GLB1L: variants seen among roughly 807,000 people sequenced by gnomAD.
GLB1L encodes galactosidase beta 1 like.
In GLB1L, 58 loss-of-function variants were observed where a neutral mutation model predicts 75.7. The observed-to-expected ratio is 0.77, with a 90% CI of 0.62 to 0.95. GLB1L has a LOEUF of 0.95. Ranked by LOEUF, GLB1L falls within the 40% of genes least tolerant of loss-of-function variation. The pLI is 0.00. For missense variants in GLB1L, 797 were observed against 805.5 expected (o/e 0.99, Z 0.13); for synonymous variants, 296 against 303.0 (o/e 0.98, Z 0.24).
rs1477758909 is a variant in GLB1L at position 219,237,325 on chromosome 2, AAC to A, written c.1710_1711del (p.Phe571Ter). ...CTTTGTCCAGTACCGGCCCAAGTTA[AAC>A]CCATTGATCCAGACTTGGCCCTGGG... On this transcript the variant is annotated frameshift_variant, in exon 17 of 17. Transcript: ENST00000295759. LOFTEE classifies it high-confidence loss of function. 6.2e-7 allele frequency: 1 copy of A among 1,613,906 alleles called. No individual in the cohort carries two copies. The highest frequency in any genetic ancestry group is 1.1e-5 in the South Asian group (1 of 91,074).
At position 219,242,483 on chromosome 2, in the gene GLB1L, C is replaced by T. The variant is rs535244317; in HGVS notation, c.451+31G>A. On this transcript the variant is annotated intron_variant, in intron 5 of 16. Coordinates refer to ENST00000295759, the MANE Select transcript of GLB1L (RefSeq NM_001286423.2). ...CCAAATAGCCCATTTTACTTACTTG[C>T]TTCTGTGTTAAATCCTTTGTCTCAA... 234 of 1,561,164 alleles carry T rather than the reference C, an allele frequency of 1.5e-4. 3 individuals carry two copies. In the South Asian group the frequency reaches 2.4e-3, roughly 16 times the overall value.
At chr2:219,243,396 GA>G in intron 2 of GLB1L, 82 bp from the exon 3 acceptor site, 1 of 1,592,088 alleles carries the variant, frequency 6.3e-7, no homozygotes, top group Non-Finnish European at 8.6e-7. Flanking sequence ...GGAAGAGATG[GA>G]ACTAGCCCTG....
At chr2:219,241,174 A>T (rs1459535120) in intron 5 of GLB1L, among the ~76,000 whole-genome samples, 2 of 151,824 alleles carry the variant, frequency 1.3e-5, no homozygotes, top group African/African-American at 4.8e-5. Context: ...AGGTCAGGAG[A>T]TCGAGACCAT....
Position 219,239,172 on chromosome 2 carries a change from T to G in GLB1L, c.982A>C (p.Ser328Arg). 6.2e-7 allele frequency: 1 copy of G among 1,614,038 alleles called. No homozygotes were observed. Among genetic ancestry groups the G allele is most frequent in the Admixed American group, 1.7e-5 (1 of 59,954 alleles). The change falls in exon 11 of 17, where the codon AGC becomes CGC. Residue 328 changes from serine (S) to arginine (R), a missense_variant. Transcript: ENST00000295759. The part of the protein sequence containing the change: ...KKGRFLPITT[S>R]YDYDAPISEA... ...GATATAGGTGCATCATAGTCATAGC[T>G]GGTAGTAATCGGAAGGAAGCGTCCC...
Position 219,242,832 on chromosome 2 carries a change from GC to G in GLB1L, c.325del (p.Ala109GlnfsTer3). ...SRDLIAFLNE[A>X]ALANLLVILR... The stretch of plus-strand genomic sequence containing the variant: ...TATGACCAACAGGTTCGCTAGAGCT[GC>G]CTCATTCAGAAAGGCAATGAGGTCC... On this transcript the variant is annotated frameshift_variant, in exon 4 of 17. Coordinates refer to ENST00000295759, the MANE Select transcript of GLB1L (RefSeq NM_001286423.2). LOFTEE classifies it high-confidence loss of function. The G allele has an allele frequency of 6.2e-7, 1 of 1,614,158 alleles. No homozygotes were observed. Among genetic ancestry groups the G allele is most frequent in the Non-Finnish European group, 8.5e-7 (1 of 1,179,986 alleles).
In GLB1L at chr2:219,237,554, G is replaced by C. The variant is rs201866761; in HGVS notation, c.1647C>G (p.Gly549=). The change falls in exon 16 of 17, where the codon GGC becomes GGG. Residue 549 remains glycine (G), a synonymous_variant. Transcript: ENST00000295759. ...TFYSKTFPIL[G]SVGDTFLYLP... ...GATATAGAAATGTGTCCCCAACTGA[G>C]CCTAAAATTGGAAATGTTTTGGAGT... 3.3e-5 allele frequency: 53 copies of C among 1,614,164 alleles called. 1 individual carries two copies. The East Asian group carries it at 1.1e-3, about 33-fold the overall frequency.
Position 219,239,692 on chromosome 2 carries a change from G to A in GLB1L, c.781-10C>T. 6.2e-7 allele frequency: 1 copy of A among 1,614,160 alleles called. No homozygotes were observed. Among genetic ancestry groups the A allele is most frequent in the East Asian group, 2.2e-5 (1 of 44,884 alleles). ...AGTACTCAGAGTTTACCTAGAGTGT[G>A]AAATGAAAGGAGTGTGAGTGAGATG... On this transcript the variant is annotated splice_polypyrimidine_tract_variant and intron_variant, in intron 8 of 16. Transcript: ENST00000295759.
chr2:219,238,331 C>T lies in GLB1L; in HGVS notation c.1260G>A (p.Met420Ile). The change falls in exon 14 of 17, where the codon ATG becomes ATA. Residue 420 changes from methionine (M) to isoleucine (I), a missense_variant. Physicochemically the swap from Met to Ile is conservative, Grantham distance 10. Transcript: ENST00000295759. Reference sequence around the variant, plus strand: ...GTGTTGGCTCAAAAATGGTATGGGTCATATAGGTTCGGTACAACATGAAGC... The same window carrying T: ...GTGTTGGCTCAAAAATGGTATGGGTTATATAGGTTCGGTACAACATGAAGC... ...DHGFMLYRTYMTHTIFEPTPF... is the reference protein window; with the variant it reads ...DHGFMLYRTYITHTIFEPTPF... 1 of 1,612,058 alleles carries T rather than the reference C, an allele frequency of 6.2e-7. No individual in the cohort carries two copies. The highest frequency in any genetic ancestry group is 8.5e-7 in the Non-Finnish European group (1 of 1,178,956).
intron 5 of GLB1L, among the ~76,000 whole-genome samples, chr2:219,241,102 C>T (rs776391847): frequency 1.3e-4 from 20 of 150,020 alleles, no homozygotes; most frequent in South Asian, 1.1e-3. Flanking sequence ...ACAATTATGC[C>T]GGGTGCGGCG....
Position 219,238,362 on chromosome 2 carries a change from T to G in GLB1L, c.1229A>C (p.Asp410Ala). The G allele has an allele frequency of 6.2e-7, 1 of 1,600,702 alleles. No homozygotes were observed. The highest frequency in any genetic ancestry group is 8.5e-7 in the Non-Finnish European group (1 of 1,171,978). ...LPMTFEAVKQ[D>A]HGFMLYRTYM... ...GGTTCGGTACAACATGAAGCCATGG[T>G]CCTGGGTATGGAAGAATGAGTACTT... Residue 410 changes from aspartate to alanine, a missense_variant and splice_region_variant, in exon 14 of 17, where the codon GAC becomes GCC. By Grantham distance (126) the Asp-to-Ala change is moderately radical. Coordinates refer to ENST00000295759, the MANE Select transcript of GLB1L (RefSeq NM_001286423.2).
Position 219,239,784 on chromosome 2 carries a change from A to G in GLB1L, c.771T>C (p.His257=). Residue 257 remains histidine (H), a synonymous_variant, in exon 8 of 17, where the codon CAT becomes CAC. Coordinates refer to ENST00000295759, the MANE Select transcript of GLB1L (RefSeq NM_001286423.2). ...CTCTCTGGCCCCTCACCAATGGCCC[A>G]TGGGGTTCATACTTCCGAAGCAGGG... ...IFTLLRKYEP[H]GPLVNSEYYT... 6.2e-7 allele frequency: 1 copy of G among 1,614,198 alleles called. No homozygotes were observed. The highest frequency in any genetic ancestry group is 2.2e-5 in the East Asian group (1 of 44,890).
In GLB1L at chr2:219,242,862, C is replaced by T. The variant is rs1951424991; in HGVS notation, c.296G>A (p.Ser99Asn). The T allele has an allele frequency of 1.2e-6, 2 of 1,614,202 alleles. No individual in the cohort carries two copies. Among genetic ancestry groups the T allele is most frequent in the East Asian group, 2.2e-5 (1 of 44,882 alleles). Residue 99 changes from serine to asparagine, a missense_variant, in exon 4 of 17, where the codon AGC becomes AAC. Ser to Asn is a conservative substitution (Grantham distance 46, BLOSUM62 1). Transcript: ENST00000295759. ...ATTCAGAAAGGCAATGAGGTCCCGG[C>T]TGCCATTAAAGTTATAGACCCCAGG... The part of the protein sequence containing the change: ...PQPGVYNFNG[S>N]RDLIAFLNEA...
At position 219,239,815 on chromosome 2, in the gene GLB1L, A is replaced by AT; in HGVS notation, c.739dup (p.Ile247AsnfsTer9). On this transcript the variant is annotated frameshift_variant, in exon 8 of 17. Coordinates refer to ENST00000295759, the MANE Select transcript of GLB1L (RefSeq NM_001286423.2). LOFTEE classifies it high-confidence loss of function. ...TTCATACTTCCGAAGCAGGGTAAAG[A>AT]TTTTGGTCATGTTGTCAGCTGCGGA... 2 of 1,614,186 alleles carry AT rather than the reference A, an allele frequency of 1.2e-6. No individual in the cohort carries two copies. Among genetic ancestry groups the AT allele is most frequent in the Non-Finnish European group, 1.7e-6 (2 of 1,180,042 alleles).
intron 4 of GLB1L, 82 bp downstream of exon 4, chr2:219,242,686 T>C: frequency 6.5e-7 from 1 of 1,542,904 alleles, no homozygotes; most frequent in Non-Finnish European, 9.0e-7. Context: ...GTGCTGGAGA[T>C]GGCCCTAGAG....
chr2:219,237,685 G>C lies in GLB1L; in HGVS notation c.1516C>G (p.Gln506Glu). 1 of 1,614,218 alleles carries C rather than the reference G, an allele frequency of 6.2e-7. No individual in the cohort carries two copies. The highest frequency in any genetic ancestry group is 8.5e-7 in the Non-Finnish European group (1 of 1,180,036). ...ATTTTCAGAGGGAACATCATCCACT[G>C]GGTAAGGATTGTTTGCCCCAGAATT... ...PPILGQTILT[Q>E]WMMFPLKIDN... Residue 506 changes from glutamine to glutamate, a missense_variant, in exon 16 of 17, where the codon CAG becomes GAG. By Grantham distance (29) the Gln-to-Glu change is conservative. Coordinates refer to ENST00000295759, the MANE Select transcript of GLB1L (RefSeq NM_001286423.2).
In GLB1L at chr2:219,243,659, G is replaced by T; in HGVS notation, c.-70-16C>A. The stretch of plus-strand genomic sequence containing the variant: ...GGGAGGGAACCTCAGCGAGCAAGGG[G>T]GCGGAAACCACCTCAAGTTGCCAGG... On this transcript the variant is annotated splice_polypyrimidine_tract_variant and intron_variant, in intron 1 of 16. Transcript: ENST00000295759. The T allele has an allele frequency of 7.2e-7, 1 of 1,381,324 alleles. No individual in the cohort carries two copies. The highest frequency in any genetic ancestry group is 1.2e-5 in the South Asian group (1 of 85,012). 85.6% of individuals were successfully genotyped at this position (1,381,324 alleles called of 1,614,324 possible).
At position 219,237,177 on chromosome 2, in the gene GLB1L, A is replaced by T. The variant is rs777658245; in HGVS notation, c.1860T>A (p.Asp620Glu). The change falls in exon 17 of 17, where the codon GAT becomes GAA. Residue 620 changes from aspartate to glutamate, a missense_variant. Asp to Glu is a conservative substitution (Grantham distance 45, BLOSUM62 2). Transcript: ENST00000295759. ...TACTAGTGCTATTGAGGATAGGCTT[A>T]TCCAAAAATTGGACTTGGGGCTGGA... is the stretch of plus-strand genomic sequence containing the variant. ...VPLQPQVQFL[D>E]KPILNSTSTL... 1.9e-6 allele frequency: 3 copies of T among 1,614,214 alleles called. No homozygotes were observed. Among genetic ancestry groups the T allele is most frequent in the Non-Finnish European group, 1.7e-6 (2 of 1,180,022 alleles).
In GLB1L at chr2:219,237,554, G is replaced by A. The variant is rs201866761; in HGVS notation, c.1647C>T (p.Gly549=). 1.9e-6 allele frequency: 3 copies of A among 1,614,164 alleles called. No individual in the cohort carries two copies. In the South Asian group the frequency reaches 3.3e-5, roughly 18 times the overall value. Reference sequence around the variant, plus strand: ...GATATAGAAATGTGTCCCCAACTGAGCCTAAAATTGGAAATGTTTTGGAGT... The same window carrying A: ...GATATAGAAATGTGTCCCCAACTGAACCTAAAATTGGAAATGTTTTGGAGT... ...TFYSKTFPIL[G]SVGDTFLYLP... The change falls in exon 16 of 17, where the codon GGC becomes GGT. Residue 549 remains glycine, a synonymous_variant. Coordinates refer to ENST00000295759, the MANE Select transcript of GLB1L (RefSeq NM_001286423.2).
intron 3 of GLB1L, 28 bp from the exon 4 acceptor site, chr2:219,242,946 C>A (rs1951428652): frequency 1.9e-6 from 3 of 1,613,330 alleles, no homozygotes; most frequent in Admixed American, 1.7e-5. Context: ...TAATAGGAAC[C>A]AAGGTGAAGA....
Sources: gnomAD v4.1 joint callset for allele counts (sites outside exome capture counted in the v4.1 genomes callset) on GRCh38, gnomAD v4.1.1 for gene constraint, MANE v1.5 for transcripts, NCBI Gene and HGNC (gene_info 2026-07-23, HGNC 2026-07-21) for gene names.